Variants in SRPK1 observed in about 807,000 individuals in gnomAD.
The protein encoded by SRPK1 is SRSF protein kinase 1.
A neutral mutation model predicts 89.5 loss-of-function variants in SRPK1; 52 were observed. That is an observed-to-expected ratio of 0.58 (90% confidence interval 0.46 to 0.73). The LOEUF is 0.73. Among genes scored for constraint, SRPK1 ranks in the 30% least tolerant of loss-of-function variants. SRPK1 has a pLI of 0.00. For missense variants in SRPK1, 603 were observed against 780.6 expected (o/e 0.77, Z 2.71); for synonymous variants, 255 against 270.2 (o/e 0.94, Z 0.55).
chr6:35,868,122 G>A (rs1015120641), intron 12 of SRPK1, among the ~76,000 whole-genome samples: 4 of 151,892 alleles, frequency 2.6e-5, no homozygotes, highest in East Asian at 1.9e-4. Flanking sequence ...ACAGGCATGC[G>A]CCAACACGCC....
chr6:35,882,161 T>TAGC lies in SRPK1; in HGVS notation c.478+4560_478+4562dup, dbSNP rs1554152843. 8.5e-3 allele frequency among the ~76,000 whole-genome samples: 1,007 copies of TAGC among 118,390 alleles called. 11 individuals carry two copies. The highest frequency in any genetic ancestry group is 0.024 in the African/African-American group (798 of 33,418). 77.7% of individuals were successfully genotyped at this position (118,390 alleles called of 152,430 possible). ...GTAGTAGTAGTAGTAGTAGTAGTAG[T>TAGC]AGCAGCAGCAGCAGAAGAAGAAGAA... On this transcript the variant is annotated intron_variant, in intron 6 of 15. Transcript: ENST00000373825.
chr6:35,921,030 G>C lies in SRPK1; in HGVS notation c.13+14C>G. On this transcript the variant is annotated intron_variant, in intron 1 of 15. Coordinates refer to ENST00000373825, the MANE Select transcript of SRPK1 (RefSeq NM_003137.5). Reference sequence around the variant, plus strand: ...ACCATTGCCCCTCGTGGCGGAGGCCGCTCCACCGCTCACCTTTCCGCTCCA... The same window carrying C: ...ACCATTGCCCCTCGTGGCGGAGGCCCCTCCACCGCTCACCTTTCCGCTCCA... 6.5e-7 allele frequency: 1 copy of C among 1,543,152 alleles called. No homozygotes were observed. The highest frequency in any genetic ancestry group is 8.7e-7 in the Non-Finnish European group (1 of 1,147,266).
chr6:35,910,265 G>A (rs1770933582), intron 2 of SRPK1, among the ~76,000 whole-genome samples: 1 of 152,156 alleles, frequency 6.6e-6, no homozygotes, highest in South Asian at 2.1e-4. Flanking sequence ...TTACAGGAGT[G>A]AGCCACCACG....
At chr6:35,889,458 G>A (rs747047771) in intron 3 of SRPK1, among the ~76,000 whole-genome samples, 3 of 151,786 alleles carry the variant, frequency 2.0e-5, no homozygotes, top group Non-Finnish European at 4.4e-5. Flanking sequence ...GACCAGCCTG[G>A]CCAACATAGT....
chr6:35,855,370 T>C (rs1769644783), intron 13 of SRPK1, among the ~76,000 whole-genome samples: 1 of 152,010 alleles, frequency 6.6e-6, no homozygotes, highest in Non-Finnish European at 1.5e-5. Context: ...CATGCCACAT[T>C]AACAACATGA....
At chr6:35,920,130 A>C (rs946486545) in intron 2 of SRPK1, 2 of 488,544 alleles carry the variant, frequency 4.1e-6, no homozygotes, top group Non-Finnish European at 4.0e-6. Flanking sequence ...GTTCAGAAAC[A>C]GACCGATAAT....
In SRPK1 at chr6:35,857,252, A is replaced by G; in HGVS notation, c.1620+9T>C. On this transcript the variant is annotated intron_variant, in intron 13 of 15. Transcript: ENST00000373825. Reference sequence around the variant, plus strand: ...TTAACAAGTGAAAGCCAAGGGGAAAAAACATTACCATGCATGCCGTGCTCC... The same window carrying G: ...TTAACAAGTGAAAGCCAAGGGGAAAGAACATTACCATGCATGCCGTGCTCC... 2 of 1,604,370 alleles carry G rather than the reference A, an allele frequency of 1.2e-6. No homozygotes were observed. The highest frequency in any genetic ancestry group is 1.7e-6 in the Non-Finnish European group (2 of 1,173,420).
At chr6:35,880,205 T>G (rs941817223) in intron 6 of SRPK1, among the ~76,000 whole-genome samples, 1 of 149,406 alleles carries the variant, frequency 6.7e-6, no homozygotes, top group African/African-American at 2.5e-5. Context: ...GGAATTCTGG[T>G]GCTGAAAAGT....
At chr6:35,854,430 C>T (rs1769624873) in intron 13 of SRPK1, among the ~76,000 whole-genome samples, 1 of 152,140 alleles carries the variant, frequency 6.6e-6, no homozygotes, top group Non-Finnish European at 1.5e-5. Context: ...AGAATTTTTG[C>T]TCTATGATCA....
intron 12 of SRPK1, among the ~76,000 whole-genome samples, chr6:35,858,506 A>G (rs928253079): frequency 3.3e-5 from 5 of 152,240 alleles, no homozygotes; most frequent in Admixed American, 1.3e-4. Flanking sequence ...AAGATCAAGA[A>G]TCAGAATGGC....
rs1425274853 is a variant in SRPK1, at chr6:35,838,060, G to A, written c.1783+277C>T. 2.0e-5 allele frequency among the ~76,000 whole-genome samples: 3 copies of A among 152,064 alleles called. No homozygotes were observed. The East Asian group carries it at 5.8e-4, about 29-fold the overall frequency. ...ATTTTTTGTATTTTTAGTAGAGACG[G>A]GGTTTCACCGGGTTGGCCAGGCTGT... On this transcript the variant is annotated intron_variant, in intron 15 of 15. Transcript: ENST00000373825.
chr6:35,853,273 AAAAAC>A (rs1769594989), intron 13 of SRPK1, among the ~76,000 whole-genome samples: 1 of 152,148 alleles, frequency 6.6e-6, no homozygotes, highest in Non-Finnish European at 1.5e-5. Flanking sequence ...CCCATCCCTA[AAAAAC>A]AAAATGAAAC....
intron 2 of SRPK1, among the ~76,000 whole-genome samples, chr6:35,917,953 C>T (rs1771148095): frequency 6.6e-6 from 1 of 152,148 alleles, no homozygotes. Context: ...CTCCAAAGAC[C>T]AAACTCTATG....
chr6:35,900,346 T>G (rs77454063), intron 2 of SRPK1, among the ~76,000 whole-genome samples: 4,958 of 152,320 alleles, frequency 0.033, 97 homozygotes, highest in Middle Eastern at 0.065. Context: ...GCATTGTAGG[T>G]AGAAAATAAA....
At chr6:35,895,937 C>A (rs1266467322) in intron 2 of SRPK1, among the ~76,000 whole-genome samples, 1 of 152,192 alleles carries the variant, frequency 6.6e-6, no homozygotes, top group Non-Finnish European at 1.5e-5. Context: ...GGGTGGTACA[C>A]CCAGAGAGGG....
Position 35,846,556 on chromosome 6 carries a change from CA to C in SRPK1, c.1621-3953del, listed in dbSNP as rs35150778. ...GCATGACAGAGTGAGACTGTGTCTC[CA>C]AAAAAAAAAAAAAGACTAAAAAAAT... On this transcript the variant is annotated intron_variant, in intron 13 of 15. Transcript: ENST00000373825. Among the ~76,000 whole-genome samples, 515 of 116,422 alleles carry C rather than the reference CA, an allele frequency of 4.4e-3. 5 individuals are homozygous for C. The highest frequency in any genetic ancestry group is 9.9e-3 in the African/African-American group (314 of 31,612). 76.4% of individuals were successfully genotyped at this position (116,422 alleles called of 152,430 possible). A position where few individuals can be genotyped will look rare whatever the true frequency, so the allele number is the denominator to read the frequency against.
At chr6:35,871,636 T>A (rs1402188105) in intron 8 of SRPK1, among the ~76,000 whole-genome samples, 3 of 152,164 alleles carry the variant, frequency 2.0e-5, no homozygotes, top group Non-Finnish European at 4.4e-5. Flanking sequence ...AGTGTATAAC[T>A]AATAACTCAA....
At chr6:35,901,512 A>G (rs1770738328) in intron 2 of SRPK1, among the ~76,000 whole-genome samples, 1 of 152,180 alleles carries the variant, frequency 6.6e-6, no homozygotes, top group African/African-American at 2.4e-5. Context: ...GAGATAATAA[A>G]TTTCTGTTGT....
intron 6 of SRPK1, among the ~76,000 whole-genome samples, chr6:35,885,288 CACACACACACAGAGAG>C (rs1561985848): frequency 1.7e-4 from 23 of 135,322 alleles, no homozygotes; most frequent in Non-Finnish European, 3.2e-4. Flanking sequence ...CACACACACA[CACACACACACAGAGAG>C]AGAGAGAGAG....
Sources: allele counts gnomAD v4.1 joint callset (sites outside exome capture counted in the v4.1 genomes callset), GRCh38; gene constraint gnomAD v4.1.1; transcripts MANE v1.5; gene names NCBI Gene and HGNC (gene_info 2026-07-23, HGNC 2026-07-21).